Variants in PPP2R2B observed in about 807,000 individuals in gnomAD.
PPP2R2B encodes the protein protein phosphatase 2 regulatory subunit Bbeta, also known as serine/threonine-protein phosphatase 2A 55 kDa regulatory subunit B beta isoform.
In PPP2R2B, 5 loss-of-function variants were observed where a neutral mutation model predicts 46.0. That is an observed-to-expected ratio of 0.11 (90% CI 0.06 to 0.23). The LOEUF is 0.23. Among genes scored for constraint, PPP2R2B ranks in the 10% least tolerant of loss-of-function variants. The pLI is 1.00. For missense variants in PPP2R2B, 367 were observed against 575.0 expected (o/e 0.64, Z 3.70); for synonymous variants, 215 against 206.7 (o/e 1.04, Z -0.34).
chr5:146,814,393 C>A (rs1230865114), intron 2 of PPP2R2B, among the ~76,000 whole-genome samples: 4 of 152,178 alleles, frequency 2.6e-5, no homozygotes, highest in Non-Finnish European at 1.5e-5. Context: ...GAGGCCTCCC[C>A]TGCAACACAC....
At chr5:146,709,790 C>T (rs540783052) in intron 2 of PPP2R2B, among the ~76,000 whole-genome samples, 3 of 152,266 alleles carry the variant, frequency 2.0e-5, no homozygotes, top group Admixed American at 1.3e-4. Context: ...CAACTAAAAC[C>T]TACCTTAAGA....
chr5:146,805,269 C>T (rs956596719), intron 2 of PPP2R2B, among the ~76,000 whole-genome samples: 5 of 152,030 alleles, frequency 3.3e-5, no homozygotes, highest in African/African-American at 4.8e-5. Flanking sequence ...TTCCCTAGAC[C>T]GCAGAAGCAT....
chr5:146,992,756 TATTTCATTACAGACTTATA>T (rs898793890), intron 1 of PPP2R2B, among the ~76,000 whole-genome samples: 2 of 152,204 alleles, frequency 1.3e-5, no homozygotes, highest in African/African-American at 4.8e-5. Context: ...GATGTTGAGA[TATTTCATTACAGACTTATA>T]ATTTCATTAC....
chr5:146,643,203 A>AGG (rs1326107970), intron 6 of PPP2R2B, among the ~76,000 whole-genome samples: 1 of 151,926 alleles, frequency 6.6e-6, no homozygotes, highest in African/African-American at 2.4e-5. Context: ...AGAGAGAGAG[A>AGG]GAGGGAGACA....
At chr5:146,809,636 G>A (rs917335431) in intron 2 of PPP2R2B, among the ~76,000 whole-genome samples, 3 of 152,196 alleles carry the variant, frequency 2.0e-5, no homozygotes, top group African/African-American at 7.2e-5. Flanking sequence ...TAGTAAGCAA[G>A]GAGTGGGCCA....
At position 146,659,472 on chromosome 5, in the gene PPP2R2B, G is replaced by C. The variant is rs373595472; in HGVS notation, c.448-8748C>G. 9.2e-5 allele frequency among the ~76,000 whole-genome samples: 14 copies of C among 152,278 alleles called. No homozygotes were observed. The South Asian group carries it at 2.9e-3, about 32-fold the overall frequency. On this transcript the variant is annotated intron_variant, in intron 5 of 9. Transcript: ENST00000394411. ...CCAACCATGTGGCCTTGGGTTTGCT[G>C]CTTAGTCTTTCTTGATATCAGTATT... is the stretch of plus-strand genomic sequence containing the variant.
intron 2 of PPP2R2B, among the ~76,000 whole-genome samples, chr5:146,744,200 A>T (rs1327473426): frequency 6.6e-6 from 1 of 152,084 alleles, no homozygotes; most frequent in Non-Finnish European, 1.5e-5. Flanking sequence ...ATTTCCTCCC[A>T]CACCATCCCC....
intron 2 of PPP2R2B, among the ~76,000 whole-genome samples, chr5:146,815,837 A>G (rs1254515153): frequency 6.6e-6 from 1 of 152,204 alleles, no homozygotes; most frequent in Non-Finnish European, 1.5e-5. Flanking sequence ...AAAACTGTTC[A>G]TTATTTAAAA....
chr5:146,903,599 T>A (rs538971306), intron 1 of PPP2R2B, among the ~76,000 whole-genome samples: 1 of 152,086 alleles, frequency 6.6e-6, no homozygotes, highest in Non-Finnish European at 1.5e-5. Context: ...GGTTTCGCCA[T>A]GTTGCCTGGA....
intron 1 of PPP2R2B, among the ~76,000 whole-genome samples, chr5:146,948,267 C>A (rs1764547172): frequency 6.6e-6 from 1 of 152,036 alleles, no homozygotes; most frequent in African/African-American, 2.4e-5. Context: ...TAAACACTGG[C>A]TCTGCTGCTT....
At chr5:146,789,468 CT>C in intron 2 of PPP2R2B, among the ~76,000 whole-genome samples, 1 of 152,078 alleles carries the variant, frequency 6.6e-6, no homozygotes, top group South Asian at 2.1e-4. Flanking sequence ...CTGGAGCAGT[CT>C]CAGGTGAAAC....
At chr5:146,877,956 A>G in intron 2 of PPP2R2B, 46 bp downstream of exon 2, 1 of 1,591,156 alleles carries the variant, frequency 6.3e-7, no homozygotes, top group Non-Finnish European at 8.6e-7. Context: ...GTGATCCGCA[A>G]CTTGCGCCCG....
At chr5:146,968,528 G>A (rs183496389) in intron 1 of PPP2R2B, among the ~76,000 whole-genome samples, 3 of 152,270 alleles carry the variant, frequency 2.0e-5, no homozygotes, top group Admixed American at 1.3e-4. Flanking sequence ...TTGAAACTAC[G>A]AAGATCTATG....
intron 2 of PPP2R2B, among the ~76,000 whole-genome samples, chr5:146,812,897 G>C (rs1167939116): frequency 1.5e-5 from 2 of 134,914 alleles, no homozygotes; most frequent in Admixed American, 1.6e-4. Flanking sequence ...GAACAGTATG[G>C]GGAAAACCAC....
intron 4 of PPP2R2B, among the ~76,000 whole-genome samples, chr5:146,692,527 ATTTTTT>A (rs34156552): frequency 8.1e-5 from 9 of 111,064 alleles, no homozygotes; most frequent in African/African-American, 2.6e-4. Flanking sequence ...TTTTAATTCA[ATTTTTT>A]TTTTTTTTTT....
intron 2 of PPP2R2B, among the ~76,000 whole-genome samples, chr5:146,814,714 C>T (rs1168885641): frequency 6.7e-6 from 1 of 149,940 alleles, no homozygotes; most frequent in African/African-American, 2.5e-5. Context: ...CACATGTGGT[C>T]CCCCCCAAGT....
intron 1 of PPP2R2B, among the ~76,000 whole-genome samples, chr5:146,939,210 A>G (rs949414885): frequency 2.6e-5 from 4 of 152,120 alleles, no homozygotes; most frequent in African/African-American, 7.2e-5. Context: ...TTGATTCCCA[A>G]TTGGAAATAC....
chr5:146,853,995 C>T (rs1304008769), intron 2 of PPP2R2B, among the ~76,000 whole-genome samples: 2 of 152,004 alleles, frequency 1.3e-5, no homozygotes, highest in African/African-American at 4.8e-5. Flanking sequence ...GCCTGTTGTC[C>T]TGTATGTGTC....
At chr5:146,875,947 T>C (rs1252837409) in intron 2 of PPP2R2B, among the ~76,000 whole-genome samples, 5 of 152,236 alleles carry the variant, frequency 3.3e-5, no homozygotes, top group African/African-American at 1.2e-4. Flanking sequence ...GTCAAAACTG[T>C]AGGGAACTTC....
Sources: gnomAD v4.1 joint callset for allele counts (sites outside exome capture counted in the v4.1 genomes callset) on GRCh38, gnomAD v4.1.1 for gene constraint, MANE v1.5 for transcripts, NCBI Gene and HGNC (gene_info 2026-07-23, HGNC 2026-07-21) for gene names.